MYCBP2: variants seen among roughly 807,000 people sequenced by gnomAD.
The protein encoded by MYCBP2 is E3 ubiquitin-protein ligase MYCBP2.
MYCBP2 carries 120 observed loss-of-function variants against 525.3 expected under a neutral mutation model. That is an observed-to-expected ratio of 0.23 (90% CI 0.20 to 0.27). The LOEUF is 0.27. Among genes scored for constraint, MYCBP2 ranks in the 10% least tolerant of loss-of-function variants. MYCBP2 has a pLI of 1.00. For synonymous variants in MYCBP2, 1,894 were observed against 1,955.8 expected, an observed-to-expected ratio of 0.97 and a Z score of 0.83; for missense variants, 4,149 against 5,657.1, an observed-to-expected ratio of 0.73 and a Z score of 8.55.
In MYCBP2 at chr13:77,212,178, C is replaced by A. The variant is rs759468806; in HGVS notation, c.3058-18G>T. On this transcript the variant is annotated intron_variant, in intron 21 of 82. Coordinates refer to ENST00000544440, the MANE Select transcript of MYCBP2 (RefSeq NM_015057.5). ...TGTCCTTTCTAAAAGATTAAATAAA[C>A]CATATTAGCAATATTGCTGTGTAAA... 1 of 1,608,656 alleles carries A rather than the reference C, an allele frequency of 6.2e-7. No homozygotes were observed. The highest frequency in any genetic ancestry group is 2.2e-5 in the East Asian group (1 of 44,824).
At chr13:77,082,705 T>G (rs1336508154) in intron 63 of MYCBP2, among the ~76,000 whole-genome samples, 1 of 152,160 alleles carries the variant, frequency 6.6e-6, no homozygotes, top group Non-Finnish European at 1.5e-5. Context: ...TTTTGGTTTT[T>G]GTTTTTGAGA....
In MYCBP2 at chr13:77,181,896, T is replaced by A. The variant is rs758818206; in HGVS notation, c.4746A>T (p.Thr1582=). ...CAGCTGCAAGGAGTCGGCTACTTGA[T>A]GTCTTGAAGTTTGCTTCTTGGATAT... The part of the protein sequence containing the change: ...DQDIQEANFK[T]SSSRLLAAVM... Residue 1582 remains threonine, a synonymous_variant, in exon 33 of 83, where the codon ACA becomes ACT. Coordinates refer to ENST00000544440, the MANE Select transcript of MYCBP2 (RefSeq NM_015057.5). The A allele has an allele frequency of 6.2e-7, 1 of 1,613,824 alleles. No homozygotes were observed.
At chr13:77,096,931 T>G (rs2046345002) in intron 56 of MYCBP2, among the ~76,000 whole-genome samples, 1 of 151,910 alleles carries the variant, frequency 6.6e-6, no homozygotes, top group Non-Finnish European at 1.5e-5. Flanking sequence ...AATCATTACA[T>G]TTACTGAAAA....
chr13:77,227,943 TG>T, intron 18 of MYCBP2, among the ~76,000 whole-genome samples: 1 of 152,174 alleles, frequency 6.6e-6, no homozygotes, highest in Non-Finnish European at 1.5e-5. Context: ...AAACTGTAAC[TG>T]TACAAAACAA....
At position 77,051,012 on chromosome 13, in the gene MYCBP2, G is replaced by A; in HGVS notation, c.13906C>T (p.Pro4636Ser). 1 of 1,612,332 alleles carries A rather than the reference G, an allele frequency of 6.2e-7. No individual in the cohort carries two copies. Among genetic ancestry groups the A allele is most frequent in the Non-Finnish European group, 8.5e-7 (1 of 1,179,312 alleles). Residue 4636 changes from proline (P) to serine (S), a missense_variant, in exon 82 of 83, where the codon CCA becomes TCA. Coordinates refer to ENST00000544440, the MANE Select transcript of MYCBP2 (RefSeq NM_015057.5). ...AAAAGCATACCTGCAGGACAGTGTGGTAGTTCTTCCTTAGGAATGCTAGTC... is the reference window on the plus strand; with the variant it reads ...AAAAGCATACCTGCAGGACAGTGTGATAGTTCTTCCTTAGGAATGCTAGTC... ...RMTSIPKEEL[P>S]HCPAGPKGKQ...
chr13:77,324,506 T>C (rs1347314990), intron 1 of MYCBP2, among the ~76,000 whole-genome samples: 1 of 152,238 alleles, frequency 6.6e-6, no homozygotes, highest in Non-Finnish European at 1.5e-5. Context: ...AATAGAGTAG[T>C]TGCAGGCTAC....
At chr13:77,052,036 A>G (rs2036924826) in intron 80 of MYCBP2, 118 bp from the exon 81 acceptor site, 1 of 727,684 alleles carries the variant, frequency 1.4e-6, no homozygotes, top group Non-Finnish European at 2.3e-6. Flanking sequence ...ATTATCTACT[A>G]GACCATCCCT....
intron 50 of MYCBP2, among the ~76,000 whole-genome samples, chr13:77,140,559 A>G (rs984616653): frequency 2.6e-5 from 4 of 152,142 alleles, no homozygotes; most frequent in South Asian, 2.1e-4. Flanking sequence ...TTTTCTTTTG[A>G]CAGTAGAGGA....
chr13:77,236,613 T>C (rs1011778249), intron 17 of MYCBP2, among the ~76,000 whole-genome samples: 11 of 152,310 alleles, frequency 7.2e-5, no homozygotes, highest in African/African-American at 2.6e-4. Flanking sequence ...ATACATCTAC[T>C]AAATGGAATA....
At chr13:77,296,999 T>A (rs1472619674) in intron 1 of MYCBP2, among the ~76,000 whole-genome samples, 3 of 152,180 alleles carry the variant, frequency 2.0e-5, no homozygotes, top group African/African-American at 7.2e-5. Flanking sequence ...TGTTTACAAA[T>A]GTCAGTGATG....
chr13:77,190,655 C>T (rs977816676), intron 28 of MYCBP2, among the ~76,000 whole-genome samples: 2 of 152,116 alleles, frequency 1.3e-5, no homozygotes, highest in African/African-American at 4.8e-5. Context: ...TGACTAGCTG[C>T]ATGATAAGCT....
intron 52 of MYCBP2, among the ~76,000 whole-genome samples, chr13:77,138,342 T>C (rs1362220188): frequency 6.6e-6 from 1 of 152,182 alleles, no homozygotes; most frequent in African/African-American, 2.4e-5. Flanking sequence ...AACTACTGCT[T>C]TGGAGAACAT....
At chr13:77,315,853 C>A (rs2154379110) in intron 1 of MYCBP2, among the ~76,000 whole-genome samples, 1 of 148,686 alleles carries the variant, frequency 6.7e-6, no homozygotes, top group Middle Eastern at 3.5e-3. Flanking sequence ...CGAGATTATG[C>A]CACTGCACTC....
chr13:77,256,979 C>A (rs1020531238), intron 14 of MYCBP2, among the ~76,000 whole-genome samples: 2 of 152,032 alleles, frequency 1.3e-5, no homozygotes, highest in African/African-American at 4.8e-5. Flanking sequence ...TTGGAAGCAA[C>A]CTAAGTGTCC....
At chr13:77,112,050 T>C (rs575831718) in intron 55 of MYCBP2, among the ~76,000 whole-genome samples, 2 of 152,240 alleles carry the variant, frequency 1.3e-5, no homozygotes, top group African/African-American at 4.8e-5. Flanking sequence ...GTGCCTGGCA[T>C]GTGATAAATA....
At chr13:77,134,944 T>C (rs2053511548) in intron 52 of MYCBP2, among the ~76,000 whole-genome samples, 1 of 152,208 alleles carries the variant, frequency 6.6e-6, no homozygotes, top group Non-Finnish European at 1.5e-5. Context: ...CAAGATCACT[T>C]TAAGGATTAT....
At chr13:77,202,697 T>C (rs1329727189) in intron 26 of MYCBP2, among the ~76,000 whole-genome samples, 3 of 152,032 alleles carry the variant, frequency 2.0e-5, no homozygotes, top group East Asian at 1.9e-4. Context: ...TTATCCACCA[T>C]GATCAAGTGG....
chr13:77,058,107 T>C lies in MYCBP2; in HGVS notation c.13329+111A>G. The C allele has an allele frequency of 2.5e-6, 3 of 1,224,114 alleles. No individual in the cohort carries two copies. Among genetic ancestry groups the C allele is most frequent in the Non-Finnish European group, 3.4e-6 (3 of 875,922 alleles). The allele number at this position is 1,224,114 out of a possible 1,614,324, so 75.8% of individuals were successfully genotyped here. The stretch of plus-strand genomic sequence containing the variant: ...CACCTGCCTCGGCCTCCCAAAGTGC[T>C]GGGATTACAGGCATGAGCCACTGCG... On this transcript the variant is annotated intron_variant, in intron 78 of 82. Transcript: ENST00000544440. This position sits in a 1 kb window ranked among gnomAD's most constrained non-coding sequence, Gnocchi z 4.1.
At chr13:77,046,813 G>A (rs907779749) in intron 82 of MYCBP2, among the ~76,000 whole-genome samples, 1 of 152,222 alleles carries the variant, frequency 6.6e-6, no homozygotes, top group Non-Finnish European at 1.5e-5. Context: ...ATGGGAGGAT[G>A]CCAGAGGTTT....
Sources: allele counts gnomAD v4.1 joint callset (sites outside exome capture counted in the v4.1 genomes callset), GRCh38; gene constraint gnomAD v4.1.1; non-coding constraint Gnocchi (gnomAD v3.1); transcripts MANE v1.5; gene names NCBI Gene and HGNC (gene_info 2026-07-23, HGNC 2026-07-21).